Variants in SCN11A observed in about 807,000 individuals in gnomAD.
SCN11A encodes the protein sodium voltage-gated channel alpha subunit 11.
A neutral mutation model predicts 162.2 loss-of-function variants in SCN11A; 122 were observed. That is an observed-to-expected ratio of 0.75 (90% CI 0.65 to 0.87). The LOEUF is 0.87. Among genes scored for constraint, SCN11A ranks in the 40% least tolerant of loss-of-function variants. The probability of loss-of-function intolerance (pLI) is 0.00; values close to 1 mark genes in which losing one functional copy is unlikely to be tolerated. For missense variants in SCN11A, 2,015 were observed against 2,181.6 expected (o/e 0.92, Z 1.52); for synonymous variants, 758 against 751.5 (o/e 1.01, Z -0.14).
At chr3:38,958,515 G>A (rs934972631) in intron 3 of SCN11A, among the ~76,000 whole-genome samples, 1 of 152,190 alleles carries the variant, frequency 6.6e-6, no homozygotes, top group African/African-American at 2.4e-5. Flanking sequence ...ATTTGAGCTT[G>A]CCATCTGTTT....
intron 3 of SCN11A, among the ~76,000 whole-genome samples, chr3:38,955,632 GT>G (rs1303392124): frequency 6.6e-6 from 1 of 152,148 alleles, no homozygotes; most frequent in Non-Finnish European, 1.5e-5. Flanking sequence ...AAAATTTTCT[GT>G]GCAGAAAATA....
At chr3:38,879,398 G>T (rs2065271571) in intron 23 of SCN11A, among the ~76,000 whole-genome samples, 1 of 152,164 alleles carries the variant, frequency 6.6e-6, no homozygotes, top group South Asian at 2.1e-4. Context: ...TCAGCTCTAT[G>T]ACCTGAAACA....
In SCN11A at chr3:38,926,802, C is replaced by T. The variant is rs754708932; in HGVS notation, c.617+1G>A. The stretch of plus-strand genomic sequence containing the variant: ...TTCAAAAACATCTTTAATATTCTTA[C>T]GCTATTCCAATGACAATGGAGTCCA... On this transcript the variant is annotated splice_donor_variant, in intron 8 of 29. Transcript: ENST00000302328. LOFTEE classifies it high-confidence loss of function. 1.1e-5 allele frequency: 18 copies of T among 1,613,072 alleles called. No homozygotes were observed. The highest frequency in any genetic ancestry group is 3.3e-5 in the South Asian group (3 of 90,876).
intron 2 of SCN11A, among the ~76,000 whole-genome samples, chr3:39,000,000 C>G (rs1000380731): frequency 2.0e-5 from 3 of 152,122 alleles, no homozygotes; most frequent in Admixed American, 6.5e-5. Context: ...AGGAACTGAC[C>G]AATACCCCCT....
chr3:38,868,280 G>A (rs1021181824), intron 26 of SCN11A, among the ~76,000 whole-genome samples: 2 of 152,208 alleles, frequency 1.3e-5, no homozygotes, highest in Non-Finnish European at 2.9e-5. Flanking sequence ...GTAGACTAGT[G>A]TAATGAAGGT....
At chr3:38,954,209 A>C (rs1289386868) in intron 3 of SCN11A, among the ~76,000 whole-genome samples, 1 of 152,176 alleles carries the variant, frequency 6.6e-6, no homozygotes, top group Non-Finnish European at 1.5e-5. Context: ...GCACTATTTC[A>C]ATTTCCCCCT....
rs1211020638 is a variant in SCN11A at position 38,846,505 on chromosome 3, CCTTAT to C, written c.*184_*188del. The C allele has an allele frequency of 3.4e-6, 2 of 583,158 alleles. No individual in the cohort carries two copies. Among genetic ancestry groups the C allele is most frequent in the Non-Finnish European group, 3.0e-6 (1 of 328,576 alleles). The allele number at this position is 583,158 out of a possible 1,614,324, so 36.1% of individuals were successfully genotyped here. ...AATAGTACCACTGGTTGTCAAGTAG[CCTTAT>C]CTTATATCTCTGTAAGTATTATTTA... On this transcript the variant is annotated 3_prime_UTR_variant, in exon 30 of 30. Coordinates refer to ENST00000302328, the MANE Select transcript of SCN11A (RefSeq NM_001349253.2).
intron 7 of SCN11A, among the ~76,000 whole-genome samples, chr3:38,941,446 T>C (rs552230619): frequency 1.3e-5 from 2 of 152,216 alleles, no homozygotes; most frequent in South Asian, 2.1e-4. Flanking sequence ...AAAAGATAAC[T>C]TGGATCTACA....
intron 7 of SCN11A, among the ~76,000 whole-genome samples, chr3:38,942,621 A>C (rs1441615070): frequency 1.1e-4 from 17 of 152,208 alleles, no homozygotes; most frequent in Admixed American, 1.1e-3. Flanking sequence ...AGAAGAAATC[A>C]TGAGAAAATG....
At chr3:38,860,172 C>T (rs1353961525) in intron 28 of SCN11A, among the ~76,000 whole-genome samples, 1 of 152,042 alleles carries the variant, frequency 6.6e-6, no homozygotes, top group African/African-American at 2.4e-5. Flanking sequence ...CCCTACCCAC[C>T]AAATTATCTT....
chr3:38,850,370 C>T, intron 29 of SCN11A, 111 bp downstream of exon 29: 2 of 973,390 alleles, frequency 2.1e-6, no homozygotes, highest in Non-Finnish European at 3.1e-6. Context: ...AGAAAGTACA[C>T]TTGGCCCAGT....
At chr3:38,971,193 C>T (rs1373186036) in intron 2 of SCN11A, among the ~76,000 whole-genome samples, 3 of 151,842 alleles carry the variant, frequency 2.0e-5, no homozygotes, top group South Asian at 4.2e-4. Context: ...CTCTGTCTGC[C>T]GCCCAGGTTG....
At chr3:39,010,973 C>T (rs530984257) in intron 2 of SCN11A, among the ~76,000 whole-genome samples, 20 of 152,216 alleles carry the variant, frequency 1.3e-4, no homozygotes, top group African/African-American at 3.6e-4. Flanking sequence ...ATCAAGAGAG[C>T]GGACTGTGGT....
At chr3:39,026,843 C>A (rs887425750) in intron 2 of SCN11A, among the ~76,000 whole-genome samples, 1 of 152,132 alleles carries the variant, frequency 6.6e-6, no homozygotes, top group African/African-American at 2.4e-5. Context: ...GTGGGGGATT[C>A]TAGTGACACT....
chr3:39,002,047 C>A (rs1366524031), intron 2 of SCN11A, among the ~76,000 whole-genome samples: 5 of 149,206 alleles, frequency 3.4e-5, no homozygotes, highest in Admixed American at 2.0e-4. Context: ...AAAAAAAAAA[C>A]AAAAAAAAAC....
intron 4 of SCN11A, among the ~76,000 whole-genome samples, chr3:38,953,308 G>A (rs2066643780): frequency 6.6e-6 from 1 of 152,050 alleles, no homozygotes; most frequent in African/African-American, 2.4e-5. Context: ...AGTAATGGGT[G>A]CTAGGCTTAA....
At chr3:38,922,846 TTATGTC>T (rs1342819909) in intron 9 of SCN11A, among the ~76,000 whole-genome samples, 16 of 152,172 alleles carry the variant, frequency 1.1e-4, no homozygotes, top group Admixed American at 1.0e-3. Context: ...GCGGTATAGT[TTATGTC>T]TATATCATCA....
At chr3:38,879,231 C>T (rs2065269482) in intron 23 of SCN11A, among the ~76,000 whole-genome samples, 1 of 152,142 alleles carries the variant, frequency 6.6e-6, no homozygotes, top group Admixed American at 6.6e-5. Flanking sequence ...GTAGCACCTG[C>T]CACAGAGTGG....
intron 4 of SCN11A, among the ~76,000 whole-genome samples, chr3:38,950,973 G>A (rs1398100031): frequency 6.6e-6 from 1 of 152,388 alleles, no homozygotes; most frequent in East Asian, 1.9e-4. Flanking sequence ...AAGAAAGTGA[G>A]AGGTGACAGC....
Sources: gnomAD v4.1 joint callset for allele counts (sites outside exome capture counted in the v4.1 genomes callset) on GRCh38, gnomAD v4.1.1 for gene constraint, MANE v1.5 for transcripts, NCBI Gene and HGNC (gene_info 2026-07-23, HGNC 2026-07-21) for gene names.